The following LRP1B variants were observed in gnomAD, a reference collection of about 807,000 sequenced individuals.
LRP1B encodes the protein LDL receptor related protein 1B, also known as low-density lipoprotein receptor-related protein 1B.
In LRP1B, 217 loss-of-function variants were observed where a neutral mutation model predicts 556.6. That is an observed-to-expected ratio of 0.39 (90% CI 0.35 to 0.44). The LOEUF is 0.44. Among genes scored for constraint, LRP1B ranks in the 20% least tolerant of loss-of-function variants. LRP1B has a pLI of 1.00. For synonymous variants in LRP1B, 2,047 were observed against 1,865.8 expected, an observed-to-expected ratio of 1.10 and a Z score of -2.50; for missense variants, 5,053 against 5,620.8, an observed-to-expected ratio of 0.90 and a Z score of 3.23.
At chr2:141,782,671 T>C (rs7584645) in intron 2 of LRP1B, among the ~76,000 whole-genome samples, 17,095 of 151,824 alleles carry the variant, frequency 0.11, 1,059 homozygotes, top group Middle Eastern at 0.22. Flanking sequence ...CATCGTGCAA[T>C]AGTTAGCAAG....
chr2:141,318,147 T>C (rs10496876), intron 3 of LRP1B, among the ~76,000 whole-genome samples: 17,168 of 152,172 alleles, frequency 0.11, 1,183 homozygotes, highest in East Asian at 0.19. Flanking sequence ...CATTTTACTC[T>C]TGAAACATTC....
At chr2:141,919,658 A>G (rs1385478854) in intron 1 of LRP1B, among the ~76,000 whole-genome samples, 2 of 152,088 alleles carry the variant, frequency 1.3e-5, no homozygotes, top group African/African-American at 4.8e-5. Context: ...TTTTTTAATT[A>G]GGCATGACAG....
At chr2:141,288,009 T>C (rs1368962461) in intron 3 of LRP1B, among the ~76,000 whole-genome samples, 1 of 152,148 alleles carries the variant, frequency 6.6e-6, no homozygotes. Flanking sequence ...GCACCAGTGA[T>C]TACAATATAC....
At chr2:141,221,948 A>C (rs963116287) in intron 6 of LRP1B, among the ~76,000 whole-genome samples, 18 of 152,222 alleles carry the variant, frequency 1.2e-4, no homozygotes, top group Non-Finnish European at 2.4e-4. Context: ...GGAAATTTAT[A>C]GCACTAAGTG....
intron 1 of LRP1B, among the ~76,000 whole-genome samples, chr2:142,007,292 C>G (rs1220253552): frequency 6.6e-6 from 1 of 152,122 alleles, no homozygotes; most frequent in Non-Finnish European, 1.5e-5. Context: ...GCAAAAGTTT[C>G]TTTTGCTAGG....
intron 2 of LRP1B, among the ~76,000 whole-genome samples, chr2:141,729,501 CA>C (rs1300572051): frequency 6.6e-6 from 1 of 152,088 alleles, no homozygotes; most frequent in Non-Finnish European, 1.5e-5. Context: ...AATTATACAT[CA>C]GGGGGTTAGA....
chr2:141,554,875 C>T (rs1685904907), intron 2 of LRP1B, among the ~76,000 whole-genome samples: 1 of 151,936 alleles, frequency 6.6e-6, no homozygotes, highest in African/African-American at 2.4e-5. Context: ...GAGTCCCTCC[C>T]AAATTACTGA....
Position 140,534,092 on chromosome 2 carries a change from C to T in LRP1B, c.7691G>A (p.Cys2564Tyr), listed in dbSNP as rs747289453. ...RGFKPCYNRRCIPHGKLCDGE... is the reference protein window; with the variant it reads ...RGFKPCYNRRYIPHGKLCDGE... Reference sequence around the variant, plus strand: ...ATCACATAACTTGCCATGAGGAATGCAGCGGCGATTATAGCATGGCTTGAA... The same window carrying T: ...ATCACATAACTTGCCATGAGGAATGTAGCGGCGATTATAGCATGGCTTGAA... The change falls in exon 47 of 91, where the codon TGC becomes TAC. Residue 2564 changes from cysteine to tyrosine, a missense_variant. By Grantham distance (194) the Cys-to-Tyr change is radical. This residue lies in a region of LRP1B where 3,619 missense variants were observed against 3,931.9 expected (regional missense o/e 0.92). Transcript: ENST00000389484. 2 of 1,613,292 alleles carry T rather than the reference C, an allele frequency of 1.2e-6. No homozygotes were observed. Among genetic ancestry groups the T allele is most frequent in the Non-Finnish European group, 1.7e-6 (2 of 1,179,450 alleles).
At chr2:140,761,990 T>TGATGATGAC (rs1688941605) in intron 35 of LRP1B, among the ~76,000 whole-genome samples, 1 of 152,050 alleles carries the variant, frequency 6.6e-6, no homozygotes, top group African/African-American at 2.4e-5. Flanking sequence ...ATGATGATGA[T>TGATGATGAC]GATGATGATG....
chr2:141,347,881 GA>G lies in LRP1B; in HGVS notation c.344-93241del, dbSNP rs1481182437. Among the ~76,000 whole-genome samples, 4 of 152,084 alleles carry G rather than the reference GA, an allele frequency of 2.6e-5. No homozygotes were observed. In the East Asian group the frequency reaches 7.7e-4, roughly 29 times the overall value. On this transcript the variant is annotated intron_variant, in intron 3 of 90. Coordinates refer to ENST00000389484, the MANE Select transcript of LRP1B (RefSeq NM_018557.3). The stretch of plus-strand genomic sequence containing the variant: ...ATGAAAAATTTCAAATTATTACCCT[GA>G]AACCTTAATCTTTCAAAAGTTGAAT...
chr2:140,485,202 T>G (rs1688415540), intron 59 of LRP1B, 141 bp downstream of exon 59: 1 of 496,688 alleles, frequency 2.0e-6, no homozygotes, highest in African/African-American at 2.0e-5. Flanking sequence ...CACATTACTG[T>G]TTTTTTCTAT....
intron 73 of LRP1B, 89 bp from the exon 74 acceptor site, chr2:140,358,205 C>T (rs1016390564): frequency 1.6e-6 from 2 of 1,214,200 alleles, no homozygotes; most frequent in Non-Finnish European, 2.3e-6. Flanking sequence ...TTACTAACTA[C>T]TATGAAAAAC....
intron 35 of LRP1B, among the ~76,000 whole-genome samples, chr2:140,745,455 T>C (rs952375434): frequency 4.6e-5 from 7 of 152,298 alleles, no homozygotes; most frequent in Middle Eastern, 3.4e-3. Context: ...ATCAGTAGAA[T>C]AAAGCTTTCT....
intron 1 of LRP1B, among the ~76,000 whole-genome samples, chr2:142,016,886 A>T (rs1218728327): frequency 6.7e-6 from 1 of 149,996 alleles, no homozygotes; most frequent in African/African-American, 2.4e-5. Flanking sequence ...ATATGTGTTT[A>T]TATGTATATA....
At chr2:141,970,496 A>G (rs190996864) in intron 1 of LRP1B, among the ~76,000 whole-genome samples, 1 of 151,610 alleles carries the variant, frequency 6.6e-6, no homozygotes, top group Admixed American at 6.6e-5. Context: ...GAATATCACA[A>G]TTCCTAGTAA....
Position 140,903,174 on chromosome 2 carries a change from AG to A in LRP1B, c.3521-10del, listed in dbSNP as rs771687821. 7 of 1,611,796 alleles carry A rather than the reference AG, an allele frequency of 4.3e-6. No individual in the cohort carries two copies. In the African/African-American group the frequency reaches 6.7e-5, roughly 15 times the overall value. Reference sequence around the variant, plus strand: ...GTTCAGCGAACACTCATCTATAAAAAGGGGGGAACAGATTATAGGTCTTATC... The same window carrying A: ...GTTCAGCGAACACTCATCTATAAAAAGGGGGAACAGATTATAGGTCTTATC... On this transcript the variant is annotated splice_polypyrimidine_tract_variant and intron_variant, in intron 22 of 90. Coordinates refer to ENST00000389484, the MANE Select transcript of LRP1B (RefSeq NM_018557.3).
At chr2:140,652,582 A>G (rs999848851) in intron 41 of LRP1B, among the ~76,000 whole-genome samples, 1 of 152,116 alleles carries the variant, frequency 6.6e-6, no homozygotes, top group African/African-American at 2.4e-5. Flanking sequence ...ACACCCCTCT[A>G]TAGGACCAAG....
At chr2:141,152,942 G>A (rs1218143440) in intron 7 of LRP1B, among the ~76,000 whole-genome samples, 4 of 150,670 alleles carry the variant, frequency 2.7e-5, no homozygotes, top group Admixed American at 6.7e-5. Context: ...CTCAGGAAGC[G>A]AAGGTACACT....
At chr2:140,668,277 T>A (rs1685352163) in intron 41 of LRP1B, among the ~76,000 whole-genome samples, 1 of 111,622 alleles carries the variant, frequency 9.0e-6, no homozygotes, top group Non-Finnish European at 1.6e-5. Flanking sequence ...GCCACTGTAC[T>A]CCAGCCTGGG....
Sources: allele counts gnomAD v4.1 joint callset (sites outside exome capture counted in the v4.1 genomes callset), GRCh38; gene constraint gnomAD v4.1.1; regional missense constraint gnomAD v4.1.1; transcripts MANE v1.5; gene names NCBI Gene and HGNC (gene_info 2026-07-23, HGNC 2026-07-21).